The following NDST3 variants were observed in gnomAD, a reference collection of about 807,000 sequenced individuals.
NDST3 encodes the protein bifunctional heparan sulfate N-deacetylase/N-sulfotransferase 3.
NDST3 carries 58 observed loss-of-function variants against 96.1 expected under a neutral mutation model. The ratio of observed to expected loss-of-function variants is 0.60; its 90% CI spans 0.49 to 0.75. The LOEUF (loss-of-function observed/expected upper bound fraction) is 0.75. Among genes scored for constraint, NDST3 ranks in the 30% least tolerant of loss-of-function variants. The pLI is 0.00. For missense variants in NDST3, 788 were observed against 1,034.2 expected (o/e 0.76, Z 3.27); for synonymous variants, 333 against 359.7 (o/e 0.93, Z 0.84).
chr4:118,167,759 C>T (rs2125933162), intron 6 of NDST3, among the ~76,000 whole-genome samples: 1 of 152,070 alleles, frequency 6.6e-6, no homozygotes, highest in South Asian at 2.1e-4. Flanking sequence ...TAAATCTATG[C>T]ATATGTTGTC....
chr4:118,149,762 A>G (rs375655529), intron 6 of NDST3, among the ~76,000 whole-genome samples: 29 of 151,556 alleles, frequency 1.9e-4, no homozygotes, highest in Admixed American at 8.6e-4. Context: ...TCTCCTGCCT[A>G]ATTGCCCTGG....
chr4:118,241,962 A>G (rs1183749740), intron 11 of NDST3, 78 bp from the exon 12 acceptor site: 1 of 959,666 alleles, frequency 1.0e-6, no homozygotes, highest in Non-Finnish European at 1.7e-6. Flanking sequence ...TCACTGAATG[A>G]GTTTAGAATG....
At chr4:118,033,570 G>T (rs540417314), upstream of NDST3, 411 of 151,924 alleles carry the variant, frequency 2.7e-3, no homozygotes, top group Non-Finnish European at 4.0e-3. Context: ...GGGCGGGCGC[G>T]CGCGGGCCGG....
chr4:118,049,028 C>G (rs142387257), intron 1 of NDST3, among the ~76,000 whole-genome samples: 1 of 152,240 alleles, frequency 6.6e-6, no homozygotes, highest in East Asian at 1.9e-4. Flanking sequence ...CAAGAACATT[C>G]ACCAACCTCA....
chr4:118,110,807 G>C (rs1007573192), intron 3 of NDST3, among the ~76,000 whole-genome samples: 2 of 151,954 alleles, frequency 1.3e-5, no homozygotes, highest in African/African-American at 4.8e-5. Flanking sequence ...GCCATTATTG[G>C]ATATTATCAT....
At chr4:118,093,679 G>A (rs1729066461) in intron 2 of NDST3, among the ~76,000 whole-genome samples, 1 of 151,682 alleles carries the variant, frequency 6.6e-6, no homozygotes, top group Admixed American at 6.6e-5. Context: ...CTATATTCTT[G>A]GAAACCAGAT....
At chr4:118,190,564 G>A (rs1370701141) in intron 6 of NDST3, among the ~76,000 whole-genome samples, 1 of 152,164 alleles carries the variant, frequency 6.6e-6, no homozygotes, top group African/African-American at 2.4e-5. Flanking sequence ...ATGAAGGGTA[G>A]GGCCTGTCTG....
chr4:118,050,340 C>T (rs1725007328), intron 1 of NDST3, among the ~76,000 whole-genome samples: 1 of 151,976 alleles, frequency 6.6e-6, no homozygotes, highest in African/African-American at 2.4e-5. Context: ...GATGCCCACC[C>T]TCACCACTCC....
intron 2 of NDST3, among the ~76,000 whole-genome samples, chr4:118,102,413 A>T (rs566009532): frequency 6.6e-6 from 1 of 152,192 alleles, no homozygotes; most frequent in Non-Finnish European, 1.5e-5. Context: ...CTTGCCCAGA[A>T]TACATGTGGT....
intron 6 of NDST3, among the ~76,000 whole-genome samples, chr4:118,153,227 G>A (rs957774516): frequency 6.6e-6 from 1 of 152,108 alleles, no homozygotes; most frequent in Non-Finnish European, 1.5e-5. Context: ...TCTCTTAGAT[G>A]GGACCAGCTA....
rs1467430719 is a variant in NDST3 at position 118,168,238 on chromosome 4, T to C, written c.1539+24554T>C. On this transcript the variant is annotated intron_variant, in intron 6 of 13. Coordinates refer to ENST00000296499, the MANE Select transcript of NDST3 (RefSeq NM_004784.3). ...CTCAATAGCAAAAAACAAAAACAAA[T>C]AATCCAATTAGAAAGTAAACAAAGA... Among the ~76,000 whole-genome samples, 3 of 151,726 alleles carry C rather than the reference T, an allele frequency of 2.0e-5. No individual in the cohort carries two copies. In the East Asian group the frequency reaches 5.8e-4, roughly 29 times the overall value.
chr4:118,253,698 C>T, intron 13 of NDST3, 97 bp downstream of exon 13: 1 of 845,292 alleles, frequency 1.2e-6, no homozygotes, highest in Non-Finnish European at 1.8e-6. Context: ...CAAAATTCAG[C>T]CTTTCTAAAA....
chr4:118,197,060 G>T lies in NDST3; in HGVS notation c.1540-27431G>T, dbSNP rs1468577053. Among the ~76,000 whole-genome samples the T allele has an allele frequency of 4.0e-5, 6 of 150,940 alleles. No homozygotes were observed. The East Asian group carries it at 1.2e-3, about 29-fold the overall frequency. Reference sequence around the variant, plus strand: ...GTGTTTCCATTATCATTTTTTCCAAGAAATTTTTCAATTTCCATCTTAATT... The same window carrying T: ...GTGTTTCCATTATCATTTTTTCCAATAAATTTTTCAATTTCCATCTTAATT... On this transcript the variant is annotated intron_variant, in intron 6 of 13. Transcript: ENST00000296499.
At chr4:118,133,181 C>T (rs896651859) in intron 4 of NDST3, among the ~76,000 whole-genome samples, 1 of 152,156 alleles carries the variant, frequency 6.6e-6, no homozygotes, top group Non-Finnish European at 1.5e-5. Context: ...TTCAAGTTTA[C>T]CAAGGACCTT....
At chr4:118,098,046 TG>T (rs1371148997) in intron 2 of NDST3, among the ~76,000 whole-genome samples, 1 of 88,718 alleles carries the variant, frequency 1.1e-5, no homozygotes, top group Non-Finnish European at 3.4e-5. Flanking sequence ...TTAATTACTG[TG>T]GTTTTTTTTA....
chr4:118,201,098 T>C (rs1738049647), intron 6 of NDST3, among the ~76,000 whole-genome samples: 1 of 152,228 alleles, frequency 6.6e-6, no homozygotes, highest in Non-Finnish European at 1.5e-5. Context: ...CCATCCATGT[T>C]GCTGCAAAGG....
chr4:118,241,354 A>C (rs1331046302), intron 11 of NDST3, among the ~76,000 whole-genome samples: 1 of 152,222 alleles, frequency 6.6e-6, no homozygotes, highest in African/African-American at 2.4e-5. Context: ...GTTCATCATC[A>C]CAGAAAGTTC....
intron 2 of NDST3, among the ~76,000 whole-genome samples, chr4:118,061,718 G>A (rs534046417): frequency 6.6e-5 from 10 of 152,232 alleles, no homozygotes; most frequent in African/African-American, 2.4e-4. Context: ...ACAGAGAAAT[G>A]TGCCTGGCTC....
Position 118,256,140 on chromosome 4 carries a change from A to G in NDST3, c.*428A>G, listed in dbSNP as rs1176056373. On this transcript the variant is annotated 3_prime_UTR_variant, in exon 14 of 14. Transcript: ENST00000296499. ...ATTCTATAAAGTGTCCTATGAAACA[A>G]GAAGCAAAATAAACATCACAATGTA... 2 of 152,404 alleles carry G rather than the reference A, an allele frequency of 1.3e-5. No homozygotes were observed. The highest frequency in any genetic ancestry group is 4.8e-5 in the African/African-American group (2 of 41,472). 9.4% of individuals were successfully genotyped at this position (152,404 alleles called of 1,614,324 possible). A position where few individuals can be genotyped will look rare whatever the true frequency, so the allele number is the denominator to read the frequency against.
Sources: allele counts gnomAD v4.1 joint callset (sites outside exome capture counted in the v4.1 genomes callset), GRCh38; gene constraint gnomAD v4.1.1; transcripts MANE v1.5; gene names NCBI Gene and HGNC (gene_info 2026-07-23, HGNC 2026-07-21).